CAT: variants seen among roughly 807,000 people sequenced by gnomAD.
CAT encodes epididymis secretory sperm binding protein.
In CAT, 43 loss-of-function variants were observed where a neutral mutation model predicts 59.0. That is an observed-to-expected ratio of 0.73 (90% CI 0.57 to 0.94). CAT has a LOEUF of 0.94. Among genes scored for constraint, CAT ranks in the 40% least tolerant of loss-of-function variants. The probability of loss-of-function intolerance (pLI) is 0.00; values close to 1 mark genes in which losing one functional copy is unlikely to be tolerated. For missense variants in CAT, 664 were observed against 682.9 expected (o/e 0.97, Z 0.31); for synonymous variants, 218 against 230.9 (o/e 0.94, Z 0.51).
intron 11 of CAT, among the ~76,000 whole-genome samples, chr11:34,468,913 T>G (rs1336571149): frequency 1.3e-5 from 2 of 152,208 alleles, no homozygotes; most frequent in South Asian, 4.1e-4. Context: ...CAGTCTGTCT[T>G]TCTTTTTTGC....
At chr11:34,471,278 A>T in intron 12 of CAT, 90 bp from the exon 13 acceptor site, 1 of 1,068,586 alleles carries the variant, frequency 9.4e-7, no homozygotes, top group Non-Finnish European at 1.5e-6. Context: ...CTGAATTATT[A>T]TTTTCATTTG....
At chr11:34,449,436 T>C (rs1856496893) in intron 2 of CAT, 73 bp downstream of exon 2, 1 of 1,323,916 alleles carries the variant, frequency 7.6e-7, no homozygotes, top group African/African-American at 1.4e-5. Context: ...TCCCAAAGGA[T>C]TGGAAGACCT....
chr11:34,466,277 A>C (rs1856714244), intron 10 of CAT, among the ~76,000 whole-genome samples: 1 of 152,232 alleles, frequency 6.6e-6, no homozygotes, highest in Admixed American at 6.5e-5. Flanking sequence ...TGGAAAATAG[A>C]AACTCAAATG....
At chr11:34,453,997 G>A (rs915720823) in intron 6 of CAT, 71 bp downstream of exon 6, 92 of 1,527,968 alleles carry the variant, frequency 6.0e-5, no homozygotes, top group Non-Finnish European at 8.2e-5. Context: ...CTGAAGGATT[G>A]AGCAAAGATT....
chr11:34,454,586 T>G (rs1454952669), intron 6 of CAT, among the ~76,000 whole-genome samples: 1 of 152,232 alleles, frequency 6.6e-6, no homozygotes, highest in Non-Finnish European at 1.5e-5. Flanking sequence ...CCAAAAGCCC[T>G]ATTTTCTTCT....
chr11:34,466,736 G>A (rs111653329), intron 10 of CAT, among the ~76,000 whole-genome samples: 6,264 of 135,328 alleles, frequency 0.046, 434 homozygotes, highest in African/African-American at 0.16. Flanking sequence ...AGCCGAGATC[G>A]CGCCACTGCA....
Position 34,468,286 on chromosome 11 carries a change from A to G in CAT, c.1327-2A>G. On this transcript the variant is annotated splice_acceptor_variant, in intron 10 of 12. Coordinates refer to ENST00000241052, the MANE Select transcript of CAT (RefSeq NM_001752.4). LOFTEE classifies it high-confidence loss of function. ...TCTGCACTTGCTCTTTTCTCTGAGC[A>G]GGTGCGGGCATTCTATGTGAACGTG... 6.2e-7 allele frequency: 1 copy of G among 1,610,908 alleles called. No individual in the cohort carries two copies. Among genetic ancestry groups the G allele is most frequent in the Non-Finnish European group, 8.5e-7 (1 of 1,177,038 alleles).
intron 9 of CAT, among the ~76,000 whole-genome samples, chr11:34,462,150 G>A (rs918179603): frequency 2.0e-5 from 3 of 151,874 alleles, no homozygotes; most frequent in South Asian, 2.1e-4. Context: ...CTATTCCACA[G>A]TTTAATATAG....
intron 1 of CAT, among the ~76,000 whole-genome samples, chr11:34,445,971 T>A (rs1275513208): frequency 6.6e-6 from 1 of 152,222 alleles, no homozygotes; most frequent in Admixed American, 6.5e-5. Flanking sequence ...CAGGCTTAAG[T>A]GAGATAACTT....
chr11:34,471,436 C>G lies in CAT; in HGVS notation c.*3C>G. The G allele has an allele frequency of 6.2e-7, 1 of 1,613,310 alleles. No homozygotes were observed. Among genetic ancestry groups the G allele is most frequent in the Non-Finnish European group, 8.5e-7 (1 of 1,179,258 alleles). ...CAAGGGAGAAGGCAAATCTGTGAGG[C>G]CGGGGCCCTGCACCTGTGCAGCGAA... On this transcript the variant is annotated 3_prime_UTR_variant, in exon 13 of 13. Transcript: ENST00000241052.
chr11:34,445,755 A>G (rs573638855), intron 1 of CAT, among the ~76,000 whole-genome samples: 1 of 152,108 alleles, frequency 6.6e-6, no homozygotes, highest in Non-Finnish European at 1.5e-5. Flanking sequence ...TTCTCTCTTT[A>G]AAAATATTCT....
At position 34,460,366 on chromosome 11, in the gene CAT, ATTG is replaced by A. The variant is rs1418304226; in HGVS notation, c.1057-879_1057-877del. Among the ~76,000 whole-genome samples the A allele has an allele frequency of 4.9e-5, 7 of 142,906 alleles. No individual in the cohort carries two copies. In the South Asian group the frequency reaches 1.6e-3, roughly 32 times the overall value. The allele number at this position is 142,906 out of a possible 152,430, so 93.8% of individuals were successfully genotyped here. A position where few individuals can be genotyped will look rare whatever the true frequency, so the allele number is the denominator to read the frequency against. On this transcript the variant is annotated intron_variant, in intron 8 of 12. Coordinates refer to ENST00000241052, the MANE Select transcript of CAT (RefSeq NM_001752.4). ...CATTTTGAACCACAGATTTTTTGTTATTGTTGTTTATATCTAGAAAGTCTCAGA... is the reference window on the plus strand; with the variant it reads ...CATTTTGAACCACAGATTTTTTGTTATTGTTTATATCTAGAAAGTCTCAGA...
Position 34,461,326 on chromosome 11 carries a change from C to A in CAT, c.1132C>A (p.Pro378Thr). 6.2e-7 allele frequency: 1 copy of A among 1,614,210 alleles called. No homozygotes were observed. ...TTATCTTCATATACCTGTGAACTGT[C>A]CCTACCGTGCTCGAGTGGCCAACTA... ...PNYLHIPVNC[P>T]YRARVANYQR... Residue 378 changes from proline to threonine, a missense_variant, in exon 9 of 13, where the codon CCC (proline) becomes ACC (threonine). By Grantham distance (38) the Pro-to-Thr change is conservative. Transcript: ENST00000241052.
In CAT at chr11:34,464,219, A is replaced by G. The variant is rs771347772; in HGVS notation, c.1310A>G (p.Asp437Gly). 1.9e-6 allele frequency: 3 copies of G among 1,614,112 alleles called. No homozygotes were observed. The highest frequency in any genetic ancestry group is 1.1e-5 in the South Asian group (1 of 91,084). The change falls in exon 10 of 13, where the codon GAT becomes GGT. Residue 437 changes from aspartate (D) to glycine (G), a missense_variant. Physicochemically the swap from Asp to Gly is moderately conservative, Grantham distance 94 (BLOSUM62 -1). Transcript: ENST00000241052. ...GEVRRFNTANDDNVTQVRAFY... is the reference protein window; with the variant it reads ...GEVRRFNTANGDNVTQVRAFY... The stretch of plus-strand genomic sequence containing the variant: ...GTGCGGAGATTCAACACTGCCAATG[A>G]TGATAACGTTACTCAGGTAATGACT...
chr11:34,467,875 A>G (rs1408669137), intron 10 of CAT, among the ~76,000 whole-genome samples: 5 of 152,146 alleles, frequency 3.3e-5, no homozygotes, highest in African/African-American at 7.2e-5. Context: ...AGATATAATT[A>G]TCTATATATC....
rs781525169 is a variant in CAT at position 34,451,111 on chromosome 11, A to G, written c.349+13A>G. ...TTCTCCACTGTTGGTAAGTTGGTTT[A>G]TTGGCGTGATTGGTATGGCTTAACT... On this transcript the variant is annotated intron_variant, in intron 3 of 12. Transcript: ENST00000241052. 9 of 1,400,094 alleles carry G rather than the reference A, an allele frequency of 6.4e-6. No homozygotes were observed. The South Asian group carries it at 8.1e-5, about 13-fold the overall frequency. The allele number at this position is 1,400,094 out of a possible 1,614,324, so 86.7% of individuals were successfully genotyped here. A position where few individuals can be genotyped will look rare whatever the true frequency, so the allele number is the denominator to read the frequency against.
rs1040109154 is a variant in CAT, at chr11:34,471,821, A to G, written c.*388A>G. 2 of 208,460 alleles carry G rather than the reference A, an allele frequency of 9.6e-6. No individual in the cohort carries two copies. The highest frequency in any genetic ancestry group is 2.3e-4 in the East Asian group (2 of 8,594). The allele number at this position is 208,460 out of a possible 1,614,324, so 12.9% of individuals were successfully genotyped here. A position where few individuals can be genotyped will look rare whatever the true frequency, so the allele number is the denominator to read the frequency against. ...AAATATATAAAAAGAAAAGATAAAGATGATCTACTCAGAAATTTTTATTTT... is the reference window on the plus strand; with the variant it reads ...AAATATATAAAAAGAAAAGATAAAGGTGATCTACTCAGAAATTTTTATTTT... On this transcript the variant is annotated 3_prime_UTR_variant, in exon 13 of 13. Coordinates refer to ENST00000241052, the MANE Select transcript of CAT (RefSeq NM_001752.4).
At chr11:34,445,277 G>C (rs1564960500) in intron 1 of CAT, among the ~76,000 whole-genome samples, 1 of 151,940 alleles carries the variant, frequency 6.6e-6, no homozygotes, top group Non-Finnish European at 1.5e-5. Context: ...ATTTCTTGAG[G>C]TCAGGAGTTT....
chr11:34,467,284 G>A (rs934506720), intron 10 of CAT, among the ~76,000 whole-genome samples: 6 of 152,180 alleles, frequency 3.9e-5, no homozygotes, highest in African/African-American at 1.2e-4. Context: ...ATGTTTTCAC[G>A]CAATATGTCA....
Sources: allele counts gnomAD v4.1 joint callset (sites outside exome capture counted in the v4.1 genomes callset), GRCh38; gene constraint gnomAD v4.1.1; transcripts MANE v1.5; gene names NCBI Gene and HGNC (gene_info 2026-07-23, HGNC 2026-07-21).